RBM25: variants seen among roughly 807,000 people sequenced by gnomAD.
The protein encoded by RBM25 is RNA-binding protein 25.
Under a neutral mutation model 120.7 loss-of-function variants are expected in RBM25, and 19 were observed. The observed-to-expected ratio is 0.16, with a 90% CI of 0.11 to 0.23. The LOEUF (loss-of-function observed/expected upper bound fraction) is 0.23, where lower values mean the gene tolerates loss of function less well. Ranked by LOEUF, RBM25 falls within the 10% of genes least tolerant of loss-of-function variation. The probability of loss-of-function intolerance (pLI) is 1.00; values close to 1 mark genes in which losing one functional copy is unlikely to be tolerated. For missense variants in RBM25, 605 were observed against 1,041.5 expected (o/e 0.58, Z 5.77); for synonymous variants, 390 against 326.7 (o/e 1.19, Z -2.09).
intron 1 of RBM25, among the ~76,000 whole-genome samples, chr14:73,071,322 C>T (rs761035562): frequency 5.3e-5 from 8 of 150,628 alleles, no homozygotes; most frequent in East Asian, 1.9e-4. Context: ...TAAAAAGATT[C>T]GTTTATGTGT....
At chr14:73,112,800 TTTTG>T (rs1338264135) in intron 17 of RBM25, among the ~76,000 whole-genome samples, 3 of 152,036 alleles carry the variant, frequency 2.0e-5, no homozygotes, top group African/African-American at 7.2e-5. Context: ...GTTTTTTGTT[TTTTG>T]TTTTTGTTTT....
chr14:73,105,190 C>T (rs1039960880), intron 10 of RBM25, among the ~76,000 whole-genome samples: 1 of 143,242 alleles, frequency 7.0e-6, no homozygotes, highest in African/African-American at 2.7e-5. Context: ...TCACTGTAAG[C>T]TCCAAGTCCT....
At chr14:73,098,082 C>T (rs759037402) in intron 7 of RBM25, among the ~76,000 whole-genome samples, 1 of 152,020 alleles carries the variant, frequency 6.6e-6, no homozygotes, top group Non-Finnish European at 1.5e-5. Flanking sequence ...GGCCACAGAG[C>T]GAGACCCTTC....
At chr14:73,072,032 G>A (rs1004104155) in intron 2 of RBM25, among the ~76,000 whole-genome samples, 2 of 151,770 alleles carry the variant, frequency 1.3e-5, no homozygotes, top group Non-Finnish European at 2.9e-5. Context: ...GAGTGCAGTG[G>A]CACGATCTCC....
rs766461418 is a variant in RBM25, at chr14:73,080,213, CTTTTTTTTTTTTTT to C, written c.324+2692_324+2705del. 3.4e-4 allele frequency among the ~76,000 whole-genome samples: 23 copies of C among 67,196 alleles called. 1 individual carries two copies. The East Asian group carries it at 3.6e-3, about 11-fold the overall frequency. The allele number at this position is 67,196 out of a possible 152,430, so 44.1% of individuals were successfully genotyped here. A position where few individuals can be genotyped will look rare whatever the true frequency, so the allele number is the denominator to read the frequency against. On this transcript the variant is annotated intron_variant, in intron 4 of 18. Transcript: ENST00000261973. The stretch of plus-strand genomic sequence containing the variant: ...TGTCCGAGTTTCTATTCTTACACAT[CTTTTTTTTTTTTTT>C]TTTTTTTTTTTTTTGAGATGGAGTC...
At chr14:73,088,349 C>T in intron 6 of RBM25, 188 bp downstream of exon 6, 1 of 784,854 alleles carries the variant, frequency 1.3e-6, no homozygotes, top group Non-Finnish European at 2.1e-6. Context: ...GGGTGGATGA[C>T]TGTTGGTTTG....
At chr14:73,098,191 G>A (rs945214757) in intron 7 of RBM25, among the ~76,000 whole-genome samples, 2 of 152,184 alleles carry the variant, frequency 1.3e-5, no homozygotes, top group African/African-American at 4.8e-5. Flanking sequence ...GGATGGTGGC[G>A]CAATTACGGC....
intron 7 of RBM25, 91 bp from the exon 8 acceptor site, chr14:73,099,289 C>T (rs567248636): frequency 3.5e-6 from 4 of 1,137,088 alleles, no homozygotes; most frequent in Non-Finnish European, 5.1e-6. Flanking sequence ...CTGTATTGTT[C>T]ACGTCATAAA....
intron 14 of RBM25, 115 bp from the exon 15 acceptor site, chr14:73,110,716 A>T: frequency 7.8e-7 from 1 of 1,283,852 alleles, no homozygotes; most frequent in South Asian, 1.6e-5. Context: ...GGCATGAGCC[A>T]CCATACCTGG....
intron 1 of RBM25, among the ~76,000 whole-genome samples, chr14:73,064,020 A>C (rs1025270621): frequency 6.6e-6 from 1 of 151,036 alleles, no homozygotes; most frequent in African/African-American, 2.4e-5. Flanking sequence ...CTTTGCTTGG[A>C]AGTCTCTTTC....
chr14:73,105,931 A>AGAACGG lies in RBM25; in HGVS notation c.1230_1235dup (p.Arg425_Glu426dup), dbSNP rs779912239. ...GAGAGAGAGAACGAGAGCGAGAACG[A>AGAACGG]GAACGGGAGCGAGAGAGAGAGCGAG... On this transcript the variant is annotated inframe_insertion, in exon 11 of 19. Coordinates refer to ENST00000261973, the MANE Select transcript of RBM25 (RefSeq NM_021239.3). 4.7e-5 allele frequency: 76 copies of AGAACGG among 1,612,848 alleles called. No individual in the cohort carries two copies. Among genetic ancestry groups the AGAACGG allele is most frequent in the Admixed American group, 1.7e-5 (1 of 59,798 alleles).
chr14:73,097,973 A>C (rs186130748), intron 7 of RBM25, among the ~76,000 whole-genome samples: 1 of 152,326 alleles, frequency 6.6e-6, no homozygotes, highest in East Asian at 1.9e-4. Context: ...TTTTAAAAAT[A>C]CTGGAAGAAG....
At chr14:73,091,140 ACT>A (rs891109309) in intron 6 of RBM25, among the ~76,000 whole-genome samples, 3 of 152,036 alleles carry the variant, frequency 2.0e-5, no homozygotes, top group African/African-American at 7.2e-5. Flanking sequence ...ATACTGAAAA[ACT>A]CTGAGAATGA....
At chr14:73,093,985 T>C (rs2140446633) in intron 6 of RBM25, among the ~76,000 whole-genome samples, 1 of 132,072 alleles carries the variant, frequency 7.6e-6, no homozygotes, top group East Asian at 2.6e-4. Flanking sequence ...AGAGTCTCAC[T>C]CTGTCGCCCA....
At chr14:73,097,819 A>C (rs1895981935) in intron 7 of RBM25, among the ~76,000 whole-genome samples, 1 of 152,244 alleles carries the variant, frequency 6.6e-6, no homozygotes, top group Admixed American at 6.5e-5. Context: ...CTGAAAGAGC[A>C]GTACAACTTG....
chr14:73,076,205 C>G (rs946579023), intron 2 of RBM25, 114 bp from the exon 3 acceptor site: 1 of 884,336 alleles, frequency 1.1e-6, no homozygotes, highest in Non-Finnish European at 1.8e-6. Flanking sequence ...ATTTCACTTT[C>G]ATTTGTCTTA....
chr14:73,078,430 G>T (rs905398601), intron 4 of RBM25, among the ~76,000 whole-genome samples: 2 of 152,160 alleles, frequency 1.3e-5, no homozygotes, highest in Non-Finnish European at 2.9e-5. Flanking sequence ...GTTGAAGGCT[G>T]CAGTGAGCTA....
chr14:73,065,629 A>G (rs762754118), intron 1 of RBM25, among the ~76,000 whole-genome samples: 10 of 150,118 alleles, frequency 6.7e-5, no homozygotes, highest in Non-Finnish European at 1.0e-4. Flanking sequence ...CGTGTTGGCC[A>G]GGATGGTCTT....
At chr14:73,095,182 G>A (rs1380449028) in intron 6 of RBM25, among the ~76,000 whole-genome samples, 1 of 151,954 alleles carries the variant, frequency 6.6e-6, no homozygotes, top group African/African-American at 2.4e-5. Flanking sequence ...AACATGTAAT[G>A]CCTTATATTT....
Sources: gnomAD v4.1 joint callset for allele counts (sites outside exome capture counted in the v4.1 genomes callset) on GRCh38, gnomAD v4.1.1 for gene constraint, MANE v1.5 for transcripts, NCBI Gene and HGNC (gene_info 2026-07-23, HGNC 2026-07-21) for gene names.